The following RBMS3 variants were observed in gnomAD, a reference collection of about 807,000 sequenced individuals.
RBMS3 encodes RNA-binding motif, single-stranded-interacting protein 3.
RBMS3 carries 27 observed loss-of-function variants against 66.8 expected under a neutral mutation model. That is an observed-to-expected ratio of 0.40 (90% CI 0.30 to 0.56). The LOEUF (loss-of-function observed/expected upper bound fraction) is 0.56, where lower values mean the gene tolerates loss of function less well. RBMS3 is among the 20% of genes least tolerant of loss of function. The pLI is 0.40. For synonymous variants in RBMS3, 188 were observed against 183.0 expected, an observed-to-expected ratio of 1.03 and a Z score of -0.22; for missense variants, 513 against 549.5, an observed-to-expected ratio of 0.93 and a Z score of 0.66.
intron 12 of RBMS3, among the ~76,000 whole-genome samples, chr3:29,978,256 C>T (rs1201369518): frequency 6.6e-6 from 1 of 152,128 alleles, no homozygotes; most frequent in Non-Finnish European, 1.5e-5. Flanking sequence ...TTCCTAATTT[C>T]ACAAGACTGT....
At chr3:29,434,341 G>T (rs555968971) in intron 1 of RBMS3, among the ~76,000 whole-genome samples, 1 of 152,312 alleles carries the variant, frequency 6.6e-6, no homozygotes, top group East Asian at 1.9e-4. Context: ...CAAGGTAATA[G>T]AGGGAAACCA....
chr3:29,857,072 G>A (rs987017748), intron 6 of RBMS3, among the ~76,000 whole-genome samples: 6 of 152,132 alleles, frequency 3.9e-5, no homozygotes, highest in Admixed American at 3.3e-4. Context: ...TCTAGCTGAT[G>A]CCTCCAGCCT....
At chr3:29,971,913 C>G (rs550892765) in intron 12 of RBMS3, among the ~76,000 whole-genome samples, 2 of 151,918 alleles carry the variant, frequency 1.3e-5, no homozygotes, top group South Asian at 4.2e-4. Context: ...ACAGTGGAAA[C>G]AAAAAAGGCC....
intron 5 of RBMS3, among the ~76,000 whole-genome samples, chr3:29,752,468 C>T (rs1349670949): frequency 6.6e-6 from 1 of 152,158 alleles, no homozygotes; most frequent in African/African-American, 2.4e-5. Context: ...GAACCACCAT[C>T]TTCTACCCAG....
intron 12 of RBMS3, among the ~76,000 whole-genome samples, chr3:29,979,030 G>A (rs1264634911): frequency 6.6e-6 from 1 of 152,066 alleles, no homozygotes; most frequent in Non-Finnish European, 1.5e-5. Context: ...TACTTGGGAG[G>A]GTGAGGCGGG....
At chr3:29,811,714 G>T (rs891996065) in intron 6 of RBMS3, among the ~76,000 whole-genome samples, 2 of 152,092 alleles carry the variant, frequency 1.3e-5, no homozygotes, top group African/African-American at 4.8e-5. Flanking sequence ...TCCAACTAGT[G>T]ATTCAGATCT....
At chr3:29,972,885 G>A (rs1394662990) in intron 12 of RBMS3, among the ~76,000 whole-genome samples, 1 of 152,042 alleles carries the variant, frequency 6.6e-6, no homozygotes, top group Non-Finnish European at 1.5e-5. Context: ...CAGGCACATT[G>A]AGGATTTCTT....
chr3:29,695,625 A>C (rs1403082139), intron 4 of RBMS3, among the ~76,000 whole-genome samples: 1 of 152,150 alleles, frequency 6.6e-6, no homozygotes, highest in Admixed American at 6.5e-5. Flanking sequence ...CTCATTTAAC[A>C]ATTTCATGTG....
At chr3:29,626,813 G>C (rs982552223) in intron 4 of RBMS3, among the ~76,000 whole-genome samples, 1 of 152,132 alleles carries the variant, frequency 6.6e-6, no homozygotes, top group African/African-American at 2.4e-5. Flanking sequence ...TGATATCTCA[G>C]ATTCATTACC....
At chr3:29,480,435 G>T (rs1223256002) in intron 2 of RBMS3, among the ~76,000 whole-genome samples, 1 of 152,096 alleles carries the variant, frequency 6.6e-6, no homozygotes, top group African/African-American at 2.4e-5. Context: ...GAAGAGAAGG[G>T]GTAAGTGATG....
At chr3:29,285,642 T>G (rs567590987) in intron 1 of RBMS3, among the ~76,000 whole-genome samples, 1 of 152,116 alleles carries the variant, frequency 6.6e-6, no homozygotes, top group Non-Finnish European at 1.5e-5. Context: ...GATACTCAGA[T>G]TGTGTTCAGA....
At chr3:29,755,657 G>T (rs887230751) in intron 5 of RBMS3, among the ~76,000 whole-genome samples, 1 of 152,216 alleles carries the variant, frequency 6.6e-6, no homozygotes, top group Non-Finnish European at 1.5e-5. Flanking sequence ...TCAGAGGAGG[G>T]CCTGCTTGGA....
intron 4 of RBMS3, among the ~76,000 whole-genome samples, chr3:29,704,622 G>T (rs2052789289): frequency 6.6e-6 from 1 of 152,186 alleles, no homozygotes. Flanking sequence ...CAGGCATCTA[G>T]TGGGCATTCA....
chr3:29,734,026 C>T (rs940374809), intron 4 of RBMS3, among the ~76,000 whole-genome samples: 4 of 149,284 alleles, frequency 2.7e-5, no homozygotes, highest in Admixed American at 6.7e-5. Flanking sequence ...ACACACACAC[C>T]CACACACACA....
chr3:29,583,562 A>G (rs2047405443), intron 3 of RBMS3, among the ~76,000 whole-genome samples: 1 of 132,468 alleles, frequency 7.5e-6, no homozygotes, highest in African/African-American at 2.5e-5. Flanking sequence ...TAATACAATG[A>G]AACAACACCT....
At chr3:29,521,978 A>C (rs1576102723) in intron 3 of RBMS3, among the ~76,000 whole-genome samples, 1 of 152,350 alleles carries the variant, frequency 6.6e-6, no homozygotes, top group South Asian at 2.1e-4. Flanking sequence ...CCATGCAGTC[A>C]GTTTGGAATG....
intron 3 of RBMS3, among the ~76,000 whole-genome samples, chr3:29,528,341 GA>G (rs1253794828): frequency 2.6e-5 from 4 of 151,950 alleles, no homozygotes; most frequent in Admixed American, 6.6e-5. Context: ...TCAAACTCCT[GA>G]CCTCAAGTGA....
At chr3:29,430,981 T>C (rs1454644872) in intron 1 of RBMS3, among the ~76,000 whole-genome samples, 4 of 152,196 alleles carry the variant, frequency 2.6e-5, no homozygotes, top group Non-Finnish European at 5.9e-5. Context: ...AAGCATGTAC[T>C]GAACACCTAC....
At chr3:29,360,768 T>C (rs931186096) in intron 1 of RBMS3, among the ~76,000 whole-genome samples, 9 of 152,106 alleles carry the variant, frequency 5.9e-5, no homozygotes, top group African/African-American at 2.2e-4. Context: ...TAGTTAGCTC[T>C]TCTTGTTGAA....
Sources: gnomAD v4.1 joint callset for allele counts (sites outside exome capture counted in the v4.1 genomes callset) on GRCh38, gnomAD v4.1.1 for gene constraint, MANE v1.5 for transcripts, NCBI Gene and HGNC (gene_info 2026-07-23, HGNC 2026-07-21) for gene names.